Variants in ROBO2 observed in about 807,000 individuals in gnomAD.
ROBO2 encodes the protein roundabout guidance receptor 2.
ROBO2 carries 53 observed loss-of-function variants against 160.8 expected under a neutral mutation model. The ratio of observed to expected loss-of-function variants is 0.33; its 90% CI spans 0.26 to 0.41. ROBO2 has a LOEUF of 0.41. Ranked by LOEUF, ROBO2 falls within the 10% of genes least tolerant of loss-of-function variation. ROBO2 has a pLI of 1.00. For synonymous variants in ROBO2, 664 were observed against 611.7 expected, an observed-to-expected ratio of 1.09 and a Z score of -1.26; for missense variants, 1,577 against 1,722.4, an observed-to-expected ratio of 0.92 and a Z score of 1.49.
At chr3:77,506,293 A>G (rs2088511317) in intron 5 of ROBO2, among the ~76,000 whole-genome samples, 1 of 152,190 alleles carries the variant, frequency 6.6e-6, no homozygotes, top group South Asian at 2.1e-4. Context: ...TGCTCAAAAT[A>G]TACTGCGTGG....
intron 2 of ROBO2, among the ~76,000 whole-genome samples, chr3:76,565,724 A>G (rs562915872): frequency 1.3e-5 from 2 of 152,188 alleles, no homozygotes; most frequent in Non-Finnish European, 2.9e-5. Context: ...AACTCACTCA[A>G]TGAAAGGAGG....
At chr3:77,356,859 T>G (rs761258667) in intron 2 of ROBO2, among the ~76,000 whole-genome samples, 16 of 152,134 alleles carry the variant, frequency 1.1e-4, no homozygotes, top group Non-Finnish European at 1.6e-4. Context: ...GGACATATTA[T>G]TTTCTGTTTC....
At chr3:76,335,911 A>G (rs563559239) in intron 2 of ROBO2, among the ~76,000 whole-genome samples, 7 of 152,238 alleles carry the variant, frequency 4.6e-5, no homozygotes, top group Non-Finnish European at 8.8e-5. Flanking sequence ...ATTCTGCTCC[A>G]TTTTATGGGG....
Position 77,497,388 on chromosome 3 carries a change from AT to A in ROBO2, c.806+4009del, listed in dbSNP as rs552516973. On this transcript the variant is annotated intron_variant, in intron 5 of 25. Transcript: ENST00000461745. ...TTTTGAAGCACATTTTTAAAGCATA[AT>A]TTAAATAGAAGAAGATGCACTTTTG... Among the ~76,000 whole-genome samples, 228 of 152,270 alleles carry A rather than the reference AT, an allele frequency of 1.5e-3. 1 individual carries two copies. The highest frequency in any genetic ancestry group is 2.8e-3 in the Non-Finnish European group (189 of 67,964).
intron 2 of ROBO2, among the ~76,000 whole-genome samples, chr3:76,494,981 T>A (rs2080063002): frequency 6.6e-6 from 1 of 152,160 alleles, no homozygotes; most frequent in Non-Finnish European, 1.5e-5. Context: ...AGGTGGTGAC[T>A]TCTCAACATT....
chr3:75,910,200 C>CT (rs553080985), intron 1 of ROBO2, among the ~76,000 whole-genome samples: 6 of 152,254 alleles, frequency 3.9e-5, no homozygotes, highest in Admixed American at 3.9e-4. Flanking sequence ...CCAGAAAAGC[C>CT]TTTGGACAGA....
chr3:77,106,035 T>G (rs1275029948), intron 2 of ROBO2, among the ~76,000 whole-genome samples: 5 of 152,236 alleles, frequency 3.3e-5, no homozygotes, highest in African/African-American at 9.6e-5. Context: ...TTTCTTACTG[T>G]AATTTTTTGT....
intron 24 of ROBO2, among the ~76,000 whole-genome samples, chr3:77,640,555 A>AT (rs1249258668): frequency 2.0e-5 from 3 of 152,030 alleles, no homozygotes; most frequent in Non-Finnish European, 4.4e-5. Context: ...CAAGCTGGAG[A>AT]TTTTTAATTA....
chr3:77,086,388 T>G (rs1200154184), intron 1 of ROBO2, among the ~76,000 whole-genome samples: 1 of 152,100 alleles, frequency 6.6e-6, no homozygotes. Context: ...GCAGAGAAGG[T>G]AAGAAATTTG....
intron 2 of ROBO2, among the ~76,000 whole-genome samples, chr3:76,617,040 G>A (rs1026220026): frequency 1.6e-4 from 24 of 152,016 alleles, no homozygotes; most frequent in Admixed American, 4.6e-4. Context: ...TACACAGTGT[G>A]GCCCAGGGCA....
chr3:76,488,059 CA>C (rs1199028271), intron 2 of ROBO2, among the ~76,000 whole-genome samples: 4 of 152,178 alleles, frequency 2.6e-5, no homozygotes, highest in African/African-American at 9.7e-5. Context: ...ACCATATAAA[CA>C]CGGGGAGTCA....
At chr3:77,224,057 C>G (rs1163904038) in intron 2 of ROBO2, among the ~76,000 whole-genome samples, 1 of 151,922 alleles carries the variant, frequency 6.6e-6, no homozygotes, top group Non-Finnish European at 1.5e-5. Flanking sequence ...TGTGCCACTT[C>G]TATGTTTTAA....
chr3:77,060,548 A>G (rs1424868280), intron 1 of ROBO2, among the ~76,000 whole-genome samples: 1 of 152,192 alleles, frequency 6.6e-6, no homozygotes, highest in Non-Finnish European at 1.5e-5. Flanking sequence ...TGTCACCTCA[A>G]GCTATTCCAC....
intron 2 of ROBO2, among the ~76,000 whole-genome samples, chr3:76,786,021 C>T (rs565993196): frequency 6.6e-6 from 1 of 151,312 alleles, no homozygotes; most frequent in South Asian, 2.1e-4. Flanking sequence ...TATATATTTA[C>T]CTCTTTAACC....
intron 2 of ROBO2, among the ~76,000 whole-genome samples, chr3:77,404,629 G>A (rs1055917334): frequency 2.0e-5 from 3 of 152,192 alleles, no homozygotes; most frequent in East Asian, 1.9e-4. Context: ...CTAAGGTAAC[G>A]TTTTACAGGG....
rs542495064 is a variant in ROBO2 at position 76,674,962 on chromosome 3, C to A, written c.110-423052C>A. Among the ~76,000 whole-genome samples the A allele has an allele frequency of 2.6e-5, 4 of 152,004 alleles. No individual in the cohort carries two copies. In the East Asian group the frequency reaches 7.7e-4, roughly 29 times the overall value. ...ATGAAAAAAAACAAACAAAAAGAAACCTTTGTGTTGTTTAAAGCAAAGCAT... is the reference window on the plus strand; with the variant it reads ...ATGAAAAAAAACAAACAAAAAGAAAACTTTGTGTTGTTTAAAGCAAAGCAT... On this transcript the variant is annotated intron_variant, in intron 2 of 26. Coordinates refer to the ROBO2 transcript ENST00000487694.
chr3:77,019,119 T>G (rs146436739), intron 2 of ROBO2, among the ~76,000 whole-genome samples: 2 of 152,322 alleles, frequency 1.3e-5, no homozygotes, highest in Admixed American at 6.5e-5. Context: ...AAATAAGTTA[T>G]CTTAGTCCAC....
At chr3:76,191,719 A>G (rs1702012925) in intron 2 of ROBO2, among the ~76,000 whole-genome samples, 1 of 151,902 alleles carries the variant, frequency 6.6e-6, no homozygotes, top group South Asian at 2.1e-4. Flanking sequence ...ATGAAATTAG[A>G]ATTGATTTTT....
intron 2 of ROBO2, among the ~76,000 whole-genome samples, chr3:77,187,705 A>T (rs2081404021): frequency 6.6e-6 from 1 of 151,930 alleles, no homozygotes; most frequent in Non-Finnish European, 1.5e-5. Context: ...TTCATATTAA[A>T]TTGTAGAAAA....
Sources: gnomAD v4.1 joint callset for allele counts (sites outside exome capture counted in the v4.1 genomes callset) on GRCh38, gnomAD v4.1.1 for gene constraint, MANE v1.5 for transcripts, NCBI Gene and HGNC (gene_info 2026-07-23, HGNC 2026-07-21) for gene names.